Variants in RP1 observed in about 807,000 individuals in gnomAD.
RP1 encodes RP1 axonemal microtubule associated.
RP1 carries 16 observed loss-of-function variants against 14.8 expected under a neutral mutation model. That is an observed-to-expected ratio of 1.08 (90% confidence interval 0.73 to 1.65). RP1 has a LOEUF of 1.65. Among genes scored for constraint, RP1 ranks in the 40% most tolerant of loss-of-function variants. The pLI, the probability that RP1 is intolerant of heterozygous loss-of-function variation, is 0.00. For synonymous variants in RP1, 876 were observed against 883.6 expected, an observed-to-expected ratio of 0.99 and a Z score of 0.15; for missense variants, 2,631 against 2,535.0, an observed-to-expected ratio of 1.04 and a Z score of -0.81.
chr8:54,678,688 T>G (rs1807354672), intron 9 of RP1, among the ~76,000 whole-genome samples: 1 of 152,188 alleles, frequency 6.6e-6, no homozygotes, highest in South Asian at 2.1e-4. Context: ...CTCTTTATGC[T>G]ATTGAGACAG....
At chr8:54,758,825 G>A in intron 21 of RP1, 2 of 1,275,942 alleles carry the variant, frequency 1.6e-6, no homozygotes, top group Admixed American at 2.2e-5. Flanking sequence ...GTATTGTGCT[G>A]CTTCTGGCAG....
intron 3 of RP1, among the ~76,000 whole-genome samples, chr8:54,646,861 A>G (rs1009408229): frequency 1.3e-5 from 2 of 152,156 alleles, no homozygotes; most frequent in African/African-American, 2.4e-5. Flanking sequence ...AGACAGAAGT[A>G]TGGTATTTCA....
intron 22 of RP1, among the ~76,000 whole-genome samples, chr8:54,762,247 G>A (rs1017801199): frequency 1.3e-5 from 2 of 152,108 alleles, no homozygotes; most frequent in African/African-American, 4.8e-5. Flanking sequence ...AGAATTTACA[G>A]CACAGCTGAA....
Position 54,624,216 on chromosome 8 carries a change from C to T in RP1, c.788-454C>T, listed in dbSNP as rs145849489. Among the ~76,000 whole-genome samples the T allele has an allele frequency of 7.7e-3, 1,165 of 151,826 alleles. 17 individuals carry two copies. Among genetic ancestry groups the T allele is most frequent in the African/African-American group, 0.027 (1,102 of 41,426 alleles). On this transcript the variant is annotated intron_variant, in intron 3 of 3. Transcript: ENST00000220676. The stretch of plus-strand genomic sequence containing the variant: ...CAGCACTTTGGGAGGCCGAGGCGGG[C>T]GGATCATGAGGTCAGGAGATCGACG...
chr8:54,747,655 CTT>C (rs925916541), intron 19 of RP1, among the ~76,000 whole-genome samples: 6 of 152,194 alleles, frequency 3.9e-5, no homozygotes, highest in Non-Finnish European at 8.8e-5. Context: ...AATCCCAGCA[CTT>C]TGGGAGCCCA....
chr8:54,792,066 C>T (rs145815494), intron 24 of RP1, among the ~76,000 whole-genome samples: 1,773 of 151,986 alleles, frequency 0.012, 15 homozygotes, highest in Middle Eastern at 0.031. Context: ...ATAATTATAT[C>T]ATACAAATTG....
intron 5 of RP1, among the ~76,000 whole-genome samples, chr8:54,655,488 AGGATCCAAAGG>A (rs1806736432): frequency 6.6e-6 from 1 of 151,910 alleles, no homozygotes; most frequent in African/African-American, 2.4e-5. Context: ...TTCATTGCTA[AGGATCCAAAGG>A]GGGAACCATA....
At chr8:54,854,747 C>T (rs1242262736) in intron 26 of RP1, among the ~76,000 whole-genome samples, 1 of 152,150 alleles carries the variant, frequency 6.6e-6, no homozygotes, top group African/African-American at 2.4e-5. Flanking sequence ...CGCCTGTAGT[C>T]TCAGCTACTC....
At chr8:54,817,519 G>A in intron 24 of RP1, among the ~76,000 whole-genome samples, 1 of 152,198 alleles carries the variant, frequency 6.6e-6, no homozygotes, top group East Asian at 1.9e-4. Flanking sequence ...GAGTGGTAGG[G>A]AATGAAACTG....
intron 12 of RP1, among the ~76,000 whole-genome samples, chr8:54,680,490 A>C (rs1807400585): frequency 1.3e-5 from 2 of 152,186 alleles, no homozygotes; most frequent in Admixed American, 1.3e-4. Context: ...TTCATTATTT[A>C]AACAATATTT....
At chr8:54,847,265 C>CGA (rs1811946164) in intron 25 of RP1, among the ~76,000 whole-genome samples, 1 of 152,144 alleles carries the variant, frequency 6.6e-6, no homozygotes, top group African/African-American at 2.4e-5. Flanking sequence ...AGTGATGTCT[C>CGA]TTCTAAGATT....
chr8:54,701,561 G>T, exon 14 of RP1: 2 of 1,535,758 alleles, frequency 1.3e-6, no homozygotes, highest in Non-Finnish European at 1.7e-6. Context: ...GTCGGCACTG[G>T]TTCCTGGTCA....
chr8:54,701,968 T>C (rs984473425), intron 14 of RP1, among the ~76,000 whole-genome samples: 1 of 152,216 alleles, frequency 6.6e-6, no homozygotes, highest in African/African-American at 2.4e-5. Context: ...AATGTGTATA[T>C]TGAACTTTTC....
At chr8:54,842,952 G>A (rs1811820537) in intron 25 of RP1, among the ~76,000 whole-genome samples, 1 of 152,136 alleles carries the variant, frequency 6.6e-6, no homozygotes, top group African/African-American at 2.4e-5. Flanking sequence ...TGATCCAAGG[G>A]ACGTTTCCAG....
Position 54,621,190 on chromosome 8 carries a change from C to A in RP1, c.224C>A (p.Pro75His). Residue 75 changes from proline to histidine, a missense_variant, in exon 2 of 4, where the codon CCC becomes CAC. Transcript: ENST00000220676. ...ALLDNLSRKV[P>H]LPFGVRNIST... The stretch of plus-strand genomic sequence containing the variant: ...CTGGATAACTTGTCCAGGAAGGTGC[C>A]CCTCCCTTTTGGAGTGAGGAACATC... 1 of 1,614,094 alleles carries A rather than the reference C, an allele frequency of 6.2e-7. No individual in the cohort carries two copies. The highest frequency in any genetic ancestry group is 8.5e-7 in the Non-Finnish European group (1 of 1,180,014).
chr8:54,719,827 T>C (rs1299575469), intron 15 of RP1, among the ~76,000 whole-genome samples: 1 of 152,234 alleles, frequency 6.6e-6, no homozygotes, highest in Non-Finnish European at 1.5e-5. Context: ...CATTCACCCA[T>C]AGAGGTGAGC....
At chr8:54,821,226 T>A (rs1179389736) in intron 24 of RP1, among the ~76,000 whole-genome samples, 1 of 152,128 alleles carries the variant, frequency 6.6e-6, no homozygotes, top group African/African-American at 2.4e-5. Context: ...ATCAAAAATA[T>A]GATTGCAACA....
intron 7 of RP1, among the ~76,000 whole-genome samples, chr8:54,671,974 G>C (rs1335483675): frequency 1.3e-5 from 2 of 152,062 alleles, no homozygotes; most frequent in African/African-American, 4.8e-5. Context: ...CTTTACTAGG[G>C]GAAAACTTGC....
chr8:54,563,841 G>A (rs1804342677), intron 1 of RP1, among the ~76,000 whole-genome samples: 1 of 152,104 alleles, frequency 6.6e-6, no homozygotes, highest in African/African-American at 2.4e-5. Context: ...GAGCCACCAC[G>A]CCCGGCCTAC....
Sources: gnomAD v4.1 joint callset for allele counts (sites outside exome capture counted in the v4.1 genomes callset) on GRCh38, gnomAD v4.1.1 for gene constraint, MANE v1.5 for transcripts, NCBI Gene and HGNC (gene_info 2026-07-23, HGNC 2026-07-21) for gene names.